Variants in MAF observed in about 807,000 individuals in gnomAD.
MAF encodes the protein transcription factor Maf.
In MAF, 10 loss-of-function variants were observed where a neutral mutation model predicts 22.0. The observed-to-expected ratio is 0.45, with a 90% CI of 0.28 to 0.77. MAF has a LOEUF of 0.77. Ranked by LOEUF, MAF falls within the 30% of genes least tolerant of loss-of-function variation. MAF has a pLI of 0.12. For synonymous variants in MAF, 337 were observed against 255.8 expected, an observed-to-expected ratio of 1.32 and a Z score of -3.03; for missense variants, 544 against 548.4, an observed-to-expected ratio of 0.99 and a Z score of 0.08.
the MAF span, among the ~76,000 whole-genome samples, chr16:79,327,767 C>A: frequency 2.6e-5 from 4 of 152,152 alleles, no homozygotes; most frequent in African/African-American, 9.7e-5. Flanking sequence ...CTTCACAAGT[C>A]CCTGAGGAAG....
the MAF span, among the ~76,000 whole-genome samples, chr16:79,487,256 C>T: frequency 3.3e-5 from 5 of 149,802 alleles, no homozygotes; most frequent in Non-Finnish European, 7.4e-5. Flanking sequence ...TGAAGTTCAA[C>T]GTCAGGCAAA....
the MAF span, among the ~76,000 whole-genome samples, chr16:79,467,715 C>T: frequency 6.6e-6 from 1 of 152,132 alleles, no homozygotes; most frequent in Non-Finnish European, 1.5e-5. Context: ...GCCCTGCAGT[C>T]TGCGTCCTAA....
the MAF span, among the ~76,000 whole-genome samples, chr16:79,568,947 C>G: frequency 5.9e-5 from 9 of 152,220 alleles, no homozygotes; most frequent in Non-Finnish European, 1.2e-4. Context: ...ATGAGAAGAA[C>G]AGATCCAAAG....
intron 1 of MAF, among the ~76,000 whole-genome samples, chr16:79,588,251 C>T (rs1034834886): frequency 2.0e-5 from 3 of 152,130 alleles, no homozygotes; most frequent in Non-Finnish European, 2.9e-5. Context: ...CACACTGCTC[C>T]GAGTCACAGA....
At chr16:79,500,244 GACAC>G in the MAF span, among the ~76,000 whole-genome samples, 1 of 152,158 alleles carries the variant, frequency 6.6e-6, no homozygotes, top group African/African-American at 2.4e-5. Context: ...AGCTAAATCT[GACAC>G]ACACACAGAG....
chr16:79,334,530 T>G, the MAF span, among the ~76,000 whole-genome samples: 1 of 152,136 alleles, frequency 6.6e-6, no homozygotes, highest in African/African-American at 2.4e-5. Context: ...ATGGAATAAT[T>G]CATTGATCTT....
the MAF span, among the ~76,000 whole-genome samples, chr16:79,470,268 G>C: frequency 6.6e-6 from 1 of 152,188 alleles, no homozygotes; most frequent in Admixed American, 6.5e-5. Flanking sequence ...CCCAACACTT[G>C]CCCTGCTCGG....
chr16:79,407,062 G>T, the MAF span, among the ~76,000 whole-genome samples: 2 of 152,192 alleles, frequency 1.3e-5, no homozygotes, highest in Non-Finnish European at 2.9e-5. Flanking sequence ...CCCACTTCCA[G>T]CATGTGCTAA....
chr16:79,448,983 A>C, the MAF span, among the ~76,000 whole-genome samples: 1 of 152,044 alleles, frequency 6.6e-6, no homozygotes, highest in Non-Finnish European at 1.5e-5. Context: ...TAATTATACA[A>C]CTCACCATAA....
chr16:79,334,683 T>C, the MAF span, among the ~76,000 whole-genome samples: 1 of 152,126 alleles, frequency 6.6e-6, no homozygotes, highest in African/African-American at 2.4e-5. Context: ...CCCTGCATTG[T>C]TGTACAGAGC....
chr16:79,229,889 T>C, the MAF span, among the ~76,000 whole-genome samples: 1 of 152,072 alleles, frequency 6.6e-6, no homozygotes, highest in African/African-American at 2.4e-5. Context: ...TGCGGCAGCC[T>C]GTGTATTAAT....
the MAF span, among the ~76,000 whole-genome samples, chr16:79,561,571 G>T: frequency 2.0e-5 from 3 of 151,668 alleles, no homozygotes; most frequent in Non-Finnish European, 2.9e-5. Context: ...GCAGTGTTTG[G>T]TTTTTTGTCC....
chr16:79,444,080 T>G, the MAF span, among the ~76,000 whole-genome samples: 1 of 152,202 alleles, frequency 6.6e-6, no homozygotes, highest in African/African-American at 2.4e-5. Context: ...TTTTGAAAGA[T>G]AGTTAATAGG....
At chr16:79,409,860 C>T in the MAF span, among the ~76,000 whole-genome samples, 2 of 152,192 alleles carry the variant, frequency 1.3e-5, no homozygotes, top group East Asian at 1.9e-4. Flanking sequence ...ACTAGCCAAA[C>T]GTGGTGACTG....
the MAF span, among the ~76,000 whole-genome samples, chr16:79,564,662 G>T: frequency 6.6e-6 from 1 of 152,178 alleles, no homozygotes; most frequent in Non-Finnish European, 1.5e-5. Context: ...CATCTTCTTT[G>T]TTAATGAAAG....
At chr16:79,213,676 C>G in the MAF span, among the ~76,000 whole-genome samples, 3 of 151,798 alleles carry the variant, frequency 2.0e-5, no homozygotes, top group South Asian at 2.1e-4. Flanking sequence ...ACTCCCAGAA[C>G]CGGCATCCAG....
chr16:79,551,841 G>A, the MAF span, among the ~76,000 whole-genome samples: 253 of 152,234 alleles, frequency 1.7e-3, 1 homozygote, highest in Non-Finnish European at 3.0e-3. Context: ...TTGAGTAGCT[G>A]CAACAGAGAC....
chr16:79,595,632 C>CT, intron 1 of MAF: 1 of 1,058,126 alleles, frequency 9.5e-7, no homozygotes. Context: ...AGTTTTGAGT[C>CT]TTTCCAAGGG....
the MAF span, among the ~76,000 whole-genome samples, chr16:79,492,110 C>A: frequency 2.0e-5 from 3 of 152,166 alleles, no homozygotes; most frequent in Admixed American, 1.3e-4. Flanking sequence ...AACAAAGTGC[C>A]TCCATGAGAT....
Sources: allele counts gnomAD v4.1 joint callset (sites outside exome capture counted in the v4.1 genomes callset), GRCh38; gene constraint gnomAD v4.1.1; transcripts MANE v1.5; gene names NCBI Gene and HGNC (gene_info 2026-07-23, HGNC 2026-07-21).